EYS: variants seen among roughly 807,000 people sequenced by gnomAD.
EYS encodes EGF-like photoreceptor maintenance factor, also known as protein eyes shut homolog.
In EYS, 250 loss-of-function variants were observed where a neutral mutation model predicts 282.1. That is an observed-to-expected ratio of 0.89 (90% confidence interval 0.80 to 0.98). The LOEUF is 0.98. EYS is among the 50% of genes least tolerant of loss of function. The pLI is 0.00. For missense variants in EYS, 4,016 were observed against 3,709.0 expected, an observed-to-expected ratio of 1.08 and a Z score of -2.15; for synonymous variants, 1,355 against 1,282.9, an observed-to-expected ratio of 1.06 and a Z score of -1.20.
At chr6:64,882,389 T>C (rs114434452) in intron 19 of EYS, among the ~76,000 whole-genome samples, 2,151 of 151,816 alleles carry the variant, frequency 0.014, 51 homozygotes, top group African/African-American at 0.048. Context: ...TGTTTGCACA[T>C]TTGAGTTGTG....
At chr6:64,679,397 C>T (rs767517679) in intron 22 of EYS, among the ~76,000 whole-genome samples, 3 of 152,092 alleles carry the variant, frequency 2.0e-5, no homozygotes, top group Non-Finnish European at 4.4e-5. Flanking sequence ...CCTTATTACA[C>T]CTTTATGTAG....
chr6:63,734,663 G>C (rs1768865588), intron 41 of EYS, among the ~76,000 whole-genome samples: 1 of 152,018 alleles, frequency 6.6e-6, no homozygotes, highest in Non-Finnish European at 1.5e-5. Context: ...GGGTAACTAT[G>C]GGGTTTTTGT....
chr6:64,114,807 C>T (rs1338455564), intron 31 of EYS, among the ~76,000 whole-genome samples: 1 of 152,150 alleles, frequency 6.6e-6, no homozygotes, highest in African/African-American at 2.4e-5. Context: ...GCAGCTTTTG[C>T]CACTGACGTA....
chr6:64,380,208 T>C (rs1328929348), intron 29 of EYS, among the ~76,000 whole-genome samples: 4 of 152,176 alleles, frequency 2.6e-5, no homozygotes, highest in African/African-American at 9.7e-5. Context: ...CAAAAGGCTA[T>C]GAAGCATGCT....
In EYS at chr6:64,593,252, G is replaced by T. The variant is rs1158722832; in HGVS notation, c.3742C>A (p.Pro1248Thr). 3 of 1,550,594 alleles carry T rather than the reference G, an allele frequency of 1.9e-6. No individual in the cohort carries two copies. Among genetic ancestry groups the T allele is most frequent in the Middle Eastern group, 1.7e-4 (1 of 5,986 alleles). ...DEIRRITCLT[P>T]IFQRTDPIST... ...ATGGGATCTGTTCTTTGAAAGATGGGAGTTAAACAGGTAATTCTCCTTATT... is the reference window on the plus strand; with the variant it reads ...ATGGGATCTGTTCTTTGAAAGATGGTAGTTAAACAGGTAATTCTCCTTATT... The change falls in exon 25 of 43, where the codon CCC (proline) becomes ACC (threonine). Residue 1248 changes from proline to threonine, a missense_variant. Coordinates refer to ENST00000503581, the MANE Select transcript of EYS (RefSeq NM_001142800.2).
intron 31 of EYS, among the ~76,000 whole-genome samples, chr6:64,083,691 T>C (rs181581039): frequency 6.6e-6 from 1 of 152,330 alleles, no homozygotes; most frequent in Non-Finnish European, 1.5e-5. Flanking sequence ...AAATACAGGA[T>C]GCTCAGTTAA....
At chr6:65,329,839 C>T (rs937298677) in intron 11 of EYS, 1 of 981,992 alleles carries the variant, frequency 1.0e-6, no homozygotes, top group African/African-American at 1.8e-5. Context: ...TTACAAGCCT[C>T]CTGACTCTAC....
chr6:65,268,088 A>T lies in EYS; in HGVS notation c.2023+27775T>A, dbSNP rs559490430. Among the ~76,000 whole-genome samples, 287 of 152,174 alleles carry T rather than the reference A, an allele frequency of 1.9e-3. 1 individual carries two copies. The highest frequency in any genetic ancestry group is 4.1e-3 in the Admixed American group (63 of 15,266). On this transcript the variant is annotated intron_variant, in intron 12 of 42. Coordinates refer to ENST00000503581, the MANE Select transcript of EYS (RefSeq NM_001142800.2). ...TGATTTGCATATTCACAATGTAAAA[A>T]TGCTGTTATGCTGTGGATATGCAAT... is the stretch of plus-strand genomic sequence containing the variant.
chr6:64,560,614 G>A (rs562952526), intron 26 of EYS, among the ~76,000 whole-genome samples: 5 of 152,052 alleles, frequency 3.3e-5, no homozygotes, highest in African/African-American at 9.6e-5. Context: ...GAAGGTCAGC[G>A]CTCTGAAATA....
intron 14 of EYS, among the ~76,000 whole-genome samples, chr6:64,989,777 T>C (rs1770999468): frequency 1.5e-5 from 2 of 136,930 alleles, no homozygotes; most frequent in African/African-American, 2.7e-5. Flanking sequence ...TATAAAAATA[T>C]ATAACATAGA....
chr6:65,310,780 AT>A (rs1769136170), intron 11 of EYS, among the ~76,000 whole-genome samples: 1 of 152,120 alleles, frequency 6.6e-6, no homozygotes. Context: ...TATAAGCTCC[AT>A]GTCTAACTCA....
At position 65,298,989 on chromosome 6, in the gene EYS, G is replaced by A. The variant is rs1372266757; in HGVS notation, c.1767-2870C>T. On this transcript the variant is annotated intron_variant, in intron 11 of 42. Transcript: ENST00000503581. ...GAAGTCCTTGTACAAATATATCAGT[G>A]GATTCTATAGAGAGGATCCATAGGA... Among the ~76,000 whole-genome samples the A allele has an allele frequency of 2.0e-5, 3 of 151,956 alleles. No individual in the cohort carries two copies. The East Asian group carries it at 5.8e-4, about 29-fold the overall frequency.
intron 35 of EYS, among the ~76,000 whole-genome samples, chr6:63,885,326 C>T (rs2149721129): frequency 1.3e-5 from 2 of 152,238 alleles, no homozygotes; most frequent in South Asian, 4.2e-4. Context: ...CATAGCTGCT[C>T]CATGAAAATC....
chr6:64,063,634 T>C (rs773048845), intron 33 of EYS, among the ~76,000 whole-genome samples: 4 of 152,176 alleles, frequency 2.6e-5, no homozygotes. Context: ...TTTTCATTAC[T>C]AAGGCACCCT....
At chr6:65,473,436 G>T (rs2127244156) in intron 5 of EYS, among the ~76,000 whole-genome samples, 1 of 152,012 alleles carries the variant, frequency 6.6e-6, no homozygotes, top group Non-Finnish European at 1.5e-5. Context: ...TGGCAGTAGT[G>T]CTGAGACTAG....
At chr6:64,413,972 G>T (rs1463462915) in intron 28 of EYS, among the ~76,000 whole-genome samples, 1 of 152,094 alleles carries the variant, frequency 6.6e-6, no homozygotes, top group Non-Finnish European at 1.5e-5. Context: ...ACTATGAGAA[G>T]GCGTCATCTC....
chr6:65,674,111 A>C (rs909789988), intron 1 of EYS, among the ~76,000 whole-genome samples: 1 of 152,054 alleles, frequency 6.6e-6, no homozygotes, highest in African/African-American at 2.4e-5. Context: ...AGCAAAAAGA[A>C]AAAGAATGAA....
In EYS at chr6:64,785,887, C is replaced by G. The variant is rs1583156687; in HGVS notation, c.3443+27491G>C. On this transcript the variant is annotated intron_variant, in intron 22 of 42. Transcript: ENST00000503581. ...ATAGCAAATCCAGGTTAACCCAGAC[C>G]CAACTGAATCTTTCAAAATGTCAGT... is the stretch of plus-strand genomic sequence containing the variant. 2.0e-5 allele frequency among the ~76,000 whole-genome samples: 3 copies of G among 152,112 alleles called. No individual in the cohort carries two copies. In the East Asian group the frequency reaches 5.8e-4, roughly 29 times the overall value.
At chr6:64,891,980 C>T (rs906549203) in intron 18 of EYS, among the ~76,000 whole-genome samples, 22 of 151,844 alleles carry the variant, frequency 1.4e-4, no homozygotes, top group African/African-American at 5.1e-4. Flanking sequence ...TTTGACATTG[C>T]CCTAAAATTT....
Sources: gnomAD v4.1 joint callset for allele counts (sites outside exome capture counted in the v4.1 genomes callset) on GRCh38, gnomAD v4.1.1 for gene constraint, MANE v1.5 for transcripts, NCBI Gene and HGNC (gene_info 2026-07-23, HGNC 2026-07-21) for gene names.